ACSL4: variants seen among roughly 807,000 people sequenced by gnomAD.
ACSL4 encodes long-chain-fatty-acid--CoA ligase 4.
A neutral mutation model predicts 49.1 loss-of-function variants in ACSL4; 9 were observed. The observed-to-expected ratio is 0.18, with a 90% CI of 0.11 to 0.32. The LOEUF (loss-of-function observed/expected upper bound fraction) is 0.32. Among genes scored for constraint, ACSL4 ranks in the 10% least tolerant of loss-of-function variants. The pLI, the probability that ACSL4 is intolerant of heterozygous loss-of-function variation, is 1.00. For synonymous variants in ACSL4, 191 were observed against 170.3 expected, an observed-to-expected ratio of 1.12 and a Z score of -0.95; for missense variants, 333 against 493.7, an observed-to-expected ratio of 0.67 and a Z score of 3.08.
At chrX:109,680,853 G>C (rs1924107135) in intron 6 of ACSL4, 145 bp downstream of exon 6, 1 of 572,731 alleles carries the variant, frequency 1.7e-6, no homozygotes, top group Non-Finnish European at 2.8e-6. Context: ...ATCATATATG[G>C]TCTTGATGGT....
chrX:109,692,069 T>C (rs1336627805), intron 2 of ACSL4: 3 of 111,824 alleles, frequency 2.7e-5, no homozygotes, highest in Non-Finnish European at 5.7e-5. Flanking sequence ...GTCGCCATTC[T>C]GCCAGTCTCT....
rs1390583679 is a variant in ACSL4 at position 109,641,550 on chromosome X, T to C, written c.*2479A>G. ...TCCAAAACACCACACAATCTTTATC[T>C]GTTCTCATCTTGTTACCTTAGAAAC... On this transcript the variant is annotated 3_prime_UTR_variant, in exon 16 of 16. Coordinates refer to ENST00000672401, the MANE Select transcript of ACSL4 (RefSeq NM_001318510.2). 18 of 112,900 alleles carry C rather than the reference T, an allele frequency of 1.6e-4. No homozygotes were observed. The highest frequency in any genetic ancestry group is 5.8e-4 in the African/African-American group (18 of 31,111). 9.3% of individuals were successfully genotyped at this position (112,900 alleles called of 1,213,427 possible).
chrX:109,691,004 C>A (rs1286311777), intron 2 of ACSL4, among the ~76,000 whole-genome samples: 1 of 110,762 alleles, frequency 9.0e-6, no homozygotes, highest in Non-Finnish European at 1.9e-5. Context: ...TCGTCTTACC[C>A]AGAAGCATGT....
chrX:109,643,912 A>T lies in ACSL4; in HGVS notation c.*117T>A. 2 of 889,084 alleles carry T rather than the reference A, an allele frequency of 2.2e-6. No individual in the cohort carries two copies. The highest frequency in any genetic ancestry group is 2.1e-5 in the South Asian group (1 of 47,301). 73.3% of individuals were successfully genotyped at this position (889,084 alleles called of 1,213,427 possible). A position where few individuals can be genotyped will look rare whatever the true frequency, so the allele number is the denominator to read the frequency against. On this transcript the variant is annotated 3_prime_UTR_variant, in exon 16 of 16. Transcript: ENST00000672401. ...TAACTTTTGGTTTTGTTTTCTTTTTACTCTATCTTTAGAATGATATACCTT... is the reference window on the plus strand; with the variant it reads ...TAACTTTTGGTTTTGTTTTCTTTTTTCTCTATCTTTAGAATGATATACCTT...
rs1173675809 is a variant in ACSL4 at position 109,649,006 on chromosome X, G to C, written c.1856-4820C>G. Among the ~76,000 whole-genome samples, 31 of 104,274 alleles carry C rather than the reference G, an allele frequency of 3.0e-4. No homozygotes were observed. In the South Asian group the frequency reaches 3.2e-3, roughly 11 times the overall value. The allele number at this position is 104,274 out of a possible 115,157, so 90.5% of individuals were successfully genotyped here. On this transcript the variant is annotated intron_variant, in intron 15 of 15. Transcript: ENST00000672401. ...CCTCTTCAAGGAGAACTACAAACCA[G>C]TGCTCAAGGAAATAAAAGAGGATAC...
In ACSL4 at chrX:109,676,016, G is replaced by A. The variant is rs1427202553; in HGVS notation, c.931-1543C>T. The stretch of plus-strand genomic sequence containing the variant: ...AAAGTACAAAGCTAGGAGTTGTTTG[G>A]AACAGAATGCGTTCTCACAGAAAAA... On this transcript the variant is annotated intron_variant, in intron 8 of 15. Transcript: ENST00000672401. 6.3e-5 allele frequency among the ~76,000 whole-genome samples: 7 copies of A among 111,640 alleles called. No homozygotes were observed. The East Asian group carries it at 2.0e-3, about 31-fold the overall frequency.
At chrX:109,731,233 A>ATG (rs1283617194) in intron 1 of ACSL4, among the ~76,000 whole-genome samples, 4 of 110,687 alleles carry the variant, frequency 3.6e-5, no homozygotes, top group Non-Finnish European at 5.7e-5. Context: ...ATTGCATTAT[A>ATG]TGTGTGTGTG....
intron 15 of ACSL4, among the ~76,000 whole-genome samples, chrX:109,658,818 C>T (rs746406705): frequency 1.8e-5 from 2 of 111,885 alleles, no homozygotes; most frequent in African/African-American, 3.3e-5. Flanking sequence ...TGTTGTCTCT[C>T]TCATGTGCCC....
In ACSL4 at chrX:109,642,427, C is replaced by T. The variant is rs894643241; in HGVS notation, c.*1602G>A. 1.6e-4 allele frequency: 18 copies of T among 111,509 alleles called. No homozygotes were observed. The highest frequency in any genetic ancestry group is 5.9e-4 in the African/African-American group (18 of 30,653). 9.2% of individuals were successfully genotyped at this position (111,509 alleles called of 1,213,427 possible). Reference sequence around the variant, plus strand: ...GCAAAACGCTGAACAGAAATCTTTACAAAAACCTTCATTCTTGTTTATAAT... The same window carrying T: ...GCAAAACGCTGAACAGAAATCTTTATAAAAACCTTCATTCTTGTTTATAAT... On this transcript the variant is annotated 3_prime_UTR_variant, in exon 16 of 16. Transcript: ENST00000672401.
chrX:109,663,467 T>A, intron 12 of ACSL4, 65 bp from the exon 13 acceptor site: 1 of 975,198 alleles, frequency 1.0e-6, no homozygotes. Flanking sequence ...TTAAAGCTTA[T>A]ACGTATGTTA....
chrX:109,648,195 AC>A (rs1022679162), intron 15 of ACSL4, among the ~76,000 whole-genome samples: 26 of 111,624 alleles, frequency 2.3e-4, no homozygotes, highest in African/African-American at 7.8e-4. Flanking sequence ...TCATCCTGAT[AC>A]CAAAGCCTGG....
chrX:109,665,518 A>G (rs112027806), intron 11 of ACSL4, 24 bp from the exon 12 acceptor site: 22 of 1,113,490 alleles, frequency 2.0e-5, no homozygotes, highest in African/African-American at 1.4e-4. Flanking sequence ...AGTAACAGAG[A>G]TATTAGCATA....
intron 15 of ACSL4, among the ~76,000 whole-genome samples, chrX:109,658,321 C>A (rs747237839): frequency 9.0e-6 from 1 of 111,353 alleles, no homozygotes; most frequent in African/African-American, 3.3e-5. Flanking sequence ...CACCACCCCC[C>A]AGTCTAGGTA....
intron 1 of ACSL4, among the ~76,000 whole-genome samples, chrX:109,716,980 T>A (rs1444521214): frequency 8.9e-6 from 1 of 112,371 alleles, no homozygotes; most frequent in Non-Finnish European, 1.9e-5. Flanking sequence ...TCTATGATTA[T>A]TTAAGATATA....
At chrX:109,720,723 C>T (rs1236650824) in intron 1 of ACSL4, among the ~76,000 whole-genome samples, 1 of 111,948 alleles carries the variant, frequency 8.9e-6, no homozygotes, top group Non-Finnish European at 1.9e-5. Context: ...AAACAACTTG[C>T]TTCACAGAAA....
Position 109,681,151 on chromosome X carries a change from G to GA in ACSL4, c.517-16dup, listed in dbSNP as rs201395146. The GA allele has an allele frequency of 6.0e-3, 6,880 of 1,151,731 alleles. 119 individuals carry two copies. The African/African-American group carries it at 0.075, about 13-fold the overall frequency. 94.9% of individuals were successfully genotyped at this position (1,151,731 alleles called of 1,213,427 possible). On this transcript the variant is annotated splice_polypyrimidine_tract_variant and intron_variant, in intron 5 of 15. Coordinates refer to ENST00000672401, the MANE Select transcript of ACSL4 (RefSeq NM_001318510.2). ...AACAATGCAGTCTGTTGAGCAGAAAGAAAAAAAAACAGCTATTAAACTTAA... is the reference window on the plus strand; with the variant it reads ...AACAATGCAGTCTGTTGAGCAGAAAGAAAAAAAAAACAGCTATTAAACTTAA...
intron 11 of ACSL4, among the ~76,000 whole-genome samples, chrX:109,666,410 G>C (rs1421882428): frequency 8.9e-6 from 1 of 111,848 alleles, no homozygotes; most frequent in African/African-American, 3.3e-5. Flanking sequence ...GGTCTGGAGA[G>C]AAGAGCCAGG....
At chrX:109,695,342 C>T (rs1603408245) in intron 2 of ACSL4, among the ~76,000 whole-genome samples, 1 of 81,786 alleles carries the variant, frequency 1.2e-5, no homozygotes, top group Middle Eastern at 8.6e-3. Context: ...AAGACTCCAT[C>T]TTGGGGCAAA....
At chrX:109,686,381 T>TA (rs1924607467) in intron 2 of ACSL4, among the ~76,000 whole-genome samples, 1 of 112,154 alleles carries the variant, frequency 8.9e-6, no homozygotes, top group South Asian at 3.7e-4. Flanking sequence ...CACACCATTT[T>TA]AAAAAATGAT....
Sources: allele counts gnomAD v4.1 joint callset (sites outside exome capture counted in the v4.1 genomes callset), GRCh38; gene constraint gnomAD v4.1.1; transcripts MANE v1.5; gene names NCBI Gene and HGNC (gene_info 2026-07-23, HGNC 2026-07-21).